Variants in FAM20C observed in about 807,000 individuals in gnomAD.
The protein encoded by FAM20C is FAM20C golgi associated secretory pathway kinase, also known as extracellular serine/threonine protein kinase FAM20C.
In FAM20C, 40 loss-of-function variants were observed where a neutral mutation model predicts 51.5. The ratio of observed to expected loss-of-function variants is 0.78; its 90% CI spans 0.60 to 1.01. The LOEUF is 1.01. FAM20C is among the 50% of genes least tolerant of loss of function. The pLI, the probability that FAM20C is intolerant of heterozygous loss-of-function variation, is 0.00. For missense variants in FAM20C, 861 were observed against 844.7 expected (o/e 1.02, Z -0.24); for synonymous variants, 406 against 380.6 (o/e 1.07, Z -0.78).
intron 3 of FAM20C, among the ~76,000 whole-genome samples, chr7:212,185 G>A (rs1031191100): frequency 2.6e-5 from 4 of 152,232 alleles, no homozygotes; most frequent in Admixed American, 6.5e-5. Flanking sequence ...TTTAAAGGCC[G>A]GGCACACTGG....
At chr7:210,737 G>A (rs1786670373) in intron 3 of FAM20C, among the ~76,000 whole-genome samples, 1 of 152,166 alleles carries the variant, frequency 6.6e-6, no homozygotes, top group Non-Finnish European at 1.5e-5. Context: ...GTTCCTGGGC[G>A]CCAGCTTGTC....
At position 193,191 on chromosome 7, in the gene FAM20C, C is replaced by T. The variant is rs1200530137; in HGVS notation, c.-9C>T. 1.3e-5 allele frequency: 19 copies of T among 1,452,734 alleles called. No homozygotes were observed. The South Asian group carries it at 1.5e-4, about 11-fold the overall frequency. 90.0% of individuals were successfully genotyped at this position (1,452,734 alleles called of 1,614,324 possible). A position where few individuals can be genotyped will look rare whatever the true frequency, so the allele number is the denominator to read the frequency against. ...AACGCGCTCCAGGCCCGGGCCGGCC[C>T]GCGCGGCCATGAAGATGATGCTGGT... On this transcript the variant is annotated 5_prime_UTR_variant, in exon 1 of 10. Coordinates refer to ENST00000313766, the MANE Select transcript of FAM20C (RefSeq NM_020223.4).
At chr7:248,659 A>G (rs2115152292) in intron 5 of FAM20C, among the ~76,000 whole-genome samples, 1 of 132,668 alleles carries the variant, frequency 7.5e-6, no homozygotes, top group Middle Eastern at 5.1e-3. Flanking sequence ...GTAGCCTGGC[A>G]CGGGGGCCCA....
Position 259,831 on chromosome 7 carries a change from C to T in FAM20C, c.1606C>T (p.Pro536Ser), listed in dbSNP as rs777202451. The T allele has an allele frequency of 2.0e-6, 3 of 1,536,300 alleles. No homozygotes were observed. Among genetic ancestry groups the T allele is most frequent in the South Asian group, 2.4e-5 (2 of 84,056 alleles). ...GTCTCTGCGGGGGGACCAGGTGGCA[C>T]CCGTGCTGTACCAGCCGCACCTGGA... The part of the protein sequence containing the change: ...AESLRGDQVA[P>S]VLYQPHLEAL... The change falls in exon 10 of 10, where the codon CCC becomes TCC. Residue 536 changes from proline to serine, a missense_variant. By Grantham distance (74) the Pro-to-Ser change is moderately conservative. Around this residue, in one of 3 missense-constraint regions of FAM20C, gnomAD observed 269 missense variants for 283.8 expected, o/e 0.95. Coordinates refer to ENST00000313766, the MANE Select transcript of FAM20C (RefSeq NM_020223.4).
Position 233,158 on chromosome 7 carries a change from G to A in FAM20C, c.864-13257G>A, listed in dbSNP as rs975338459. Among the ~76,000 whole-genome samples, 78 of 152,342 alleles carry A rather than the reference G, an allele frequency of 5.1e-4. 1 individual carries two copies. Among genetic ancestry groups the A allele is most frequent in the Admixed American group, 9.8e-4 (15 of 15,310 alleles). ...CCTTGTCTTTAAAATGGGGGCAGCCGCGAGAGCCATGGGGGCTCCCGTGAG... is the reference window on the plus strand; with the variant it reads ...CCTTGTCTTTAAAATGGGGGCAGCCACGAGAGCCATGGGGGCTCCCGTGAG... On this transcript the variant is annotated intron_variant, in intron 3 of 9. Transcript: ENST00000313766.
chr7:204,793 C>T (rs1204864185), intron 2 of FAM20C, among the ~76,000 whole-genome samples: 1 of 152,194 alleles, frequency 6.6e-6, no homozygotes, highest in Non-Finnish European at 1.5e-5. Flanking sequence ...GAATGTGGCA[C>T]TCGTGTGGCC....
At chr7:212,320 GGGTGTGGT>G (rs1489868649) in intron 3 of FAM20C, among the ~76,000 whole-genome samples, 1 of 152,154 alleles carries the variant, frequency 6.6e-6, no homozygotes, top group Non-Finnish European at 1.5e-5. Context: ...AAAATTAGCC[GGGTGTGGT>G]GGTTTGTGCC....
chr7:256,381 C>G, intron 6 of FAM20C: 1 of 572,818 alleles, frequency 1.7e-6, no homozygotes, highest in Non-Finnish European at 3.1e-6. Flanking sequence ...AGTGTGTAGT[C>G]CAGGTCCTGT....
At chr7:258,581 C>T in intron 8 of FAM20C, 65 bp from the exon 9 acceptor site, 2 of 1,504,968 alleles carry the variant, frequency 1.3e-6, no homozygotes, top group Non-Finnish European at 1.8e-6. Flanking sequence ...GCCCAGCTCC[C>T]AGCCCAGCAG....
intron 3 of FAM20C, among the ~76,000 whole-genome samples, chr7:242,341 C>T (rs1410528901): frequency 6.6e-6 from 1 of 152,192 alleles, no homozygotes; most frequent in Admixed American, 6.5e-5. Context: ...CTGACAAATG[C>T]CCTTCTGCAG....
At chr7:256,551 C>T (rs1309712220) in intron 6 of FAM20C, 103 bp from the exon 7 acceptor site, 12 of 961,082 alleles carry the variant, frequency 1.2e-5, no homozygotes, top group East Asian at 1.0e-4. Flanking sequence ...CATCTGCAGA[C>T]GCCAAGGTCC....
At chr7:259,657 C>T (rs1287624684) in intron 9 of FAM20C, 74 bp from the exon 10 acceptor site, 3 of 1,345,096 alleles carry the variant, frequency 2.2e-6, no homozygotes, top group Middle Eastern at 3.8e-4. Context: ...ATCTCCCTCT[C>T]ACTTTCTCTC....
Position 193,157 on chromosome 7 carries a change from C to G in FAM20C, c.-43C>G. On this transcript the variant is annotated 5_prime_UTR_variant, in exon 1 of 10. Coordinates refer to ENST00000313766, the MANE Select transcript of FAM20C (RefSeq NM_020223.4). ...GTGCCCAGCTGCAGCTAGAGGGGCG[C>G]GCGGGCAGAACGCGCTCCAGGCCCG... 2 of 1,423,294 alleles carry G rather than the reference C, an allele frequency of 1.4e-6. No homozygotes were observed. Among genetic ancestry groups the G allele is most frequent in the Non-Finnish European group, 1.9e-6 (2 of 1,080,594 alleles). 88.2% of individuals were successfully genotyped at this position (1,423,294 alleles called of 1,614,324 possible). A position where few individuals can be genotyped will look rare whatever the true frequency, so the allele number is the denominator to read the frequency against.
chr7:229,898 A>C (rs1787592247), intron 3 of FAM20C, among the ~76,000 whole-genome samples: 1 of 152,094 alleles, frequency 6.6e-6, no homozygotes, highest in African/African-American at 2.4e-5. Flanking sequence ...GTTTGGAGGA[A>C]TAAGAAAGTG....
chr7:193,991 A>G (rs1266239722), intron 1 of FAM20C, 187 bp downstream of exon 1: 1 of 956,692 alleles, frequency 1.0e-6, no homozygotes, highest in East Asian at 3.1e-5. Flanking sequence ...CCTCCTTGGG[A>G]GGGGCTGCCG....
intron 3 of FAM20C, among the ~76,000 whole-genome samples, chr7:230,970 CG>C (rs986922764): frequency 1.3e-5 from 2 of 152,104 alleles, no homozygotes; most frequent in Non-Finnish European, 2.9e-5. Context: ...CCCAGCTACT[CG>C]GGAGGCTGAG....
At chr7:243,938 A>ATT (rs1554254448) in intron 3 of FAM20C, among the ~76,000 whole-genome samples, 39 of 113,170 alleles carry the variant, frequency 3.4e-4, no homozygotes, top group African/African-American at 8.7e-4. Context: ...TAATAATAAT[A>ATT]ATAATAATTA....
At chr7:223,415 C>T (rs965295598) in intron 3 of FAM20C, among the ~76,000 whole-genome samples, 25 of 152,196 alleles carry the variant, frequency 1.6e-4, no homozygotes, top group African/African-American at 4.6e-4. Flanking sequence ...CAGAGCCTGC[C>T]GGGGTAGAGG....
At chr7:209,098 C>A (rs1286718732) in intron 3 of FAM20C, 122 bp downstream of exon 3, 2 of 927,638 alleles carry the variant, frequency 2.2e-6, no homozygotes, top group Admixed American at 2.1e-5. Context: ...CTGTGGGTGA[C>A]CACTCTCAAC....
Sources: gnomAD v4.1 joint callset for allele counts (sites outside exome capture counted in the v4.1 genomes callset) on GRCh38, gnomAD v4.1.1 for gene constraint, gnomAD v4.1.1 regional missense constraint, MANE v1.5 for transcripts, NCBI Gene and HGNC (gene_info 2026-07-23, HGNC 2026-07-21) for gene names.